The following SYT9 variants were observed in gnomAD, a reference collection of about 807,000 sequenced individuals.
SYT9 encodes synaptotagmin 9, also known as synaptotagmin-9.
SYT9 carries 22 observed loss-of-function variants against 48.4 expected under a neutral mutation model. The observed-to-expected ratio is 0.45, with a 90% CI of 0.32 to 0.65. SYT9 has a LOEUF of 0.65. Among genes scored for constraint, SYT9 ranks in the 30% least tolerant of loss-of-function variants. The pLI, the probability that SYT9 is intolerant of heterozygous loss-of-function variation, is 0.03. For missense variants in SYT9, 577 were observed against 622.0 expected (o/e 0.93, Z 0.77); for synonymous variants, 265 against 245.0 (o/e 1.08, Z -0.76).
chr11:7,350,510 A>C (rs761167725), intron 3 of SYT9, among the ~76,000 whole-genome samples: 7 of 152,230 alleles, frequency 4.6e-5, no homozygotes, highest in Non-Finnish European at 8.8e-5. Flanking sequence ...TCTGTCCTGC[A>C]GGCCACAAGT....
chr11:7,421,946 C>T (rs552927766), intron 6 of SYT9, among the ~76,000 whole-genome samples: 1 of 152,322 alleles, frequency 6.6e-6, no homozygotes, highest in East Asian at 1.9e-4. Context: ...CTCCTTCATG[C>T]TCTCAATAAG....
chr11:7,282,916 A>G lies in SYT9; in HGVS notation c.146-20123A>G, dbSNP rs529214391. Among the ~76,000 whole-genome samples, 14 of 149,302 alleles carry G rather than the reference A, an allele frequency of 9.4e-5. No individual in the cohort carries two copies. In the South Asian group the frequency reaches 1.3e-3, roughly 13 times the overall value. On this transcript the variant is annotated intron_variant, in intron 1 of 6. Transcript: ENST00000318881. ...ATATATGCACCGTGTTAAAACACAC[A>G]CACACACACGCACACACACACACAC...
At chr11:7,371,113 T>A (rs537215109) in intron 3 of SYT9, among the ~76,000 whole-genome samples, 2 of 152,294 alleles carry the variant, frequency 1.3e-5, no homozygotes, top group Non-Finnish European at 2.9e-5. Context: ...TAAAGCCGCT[T>A]AATAATACAC....
intron 3 of SYT9, among the ~76,000 whole-genome samples, chr11:7,386,318 G>T (rs1334086793): frequency 3.3e-5 from 5 of 152,050 alleles, no homozygotes; most frequent in Non-Finnish European, 5.9e-5. Context: ...AAACTAAAGA[G>T]CTTCTGCACA....
intron 2 of SYT9, among the ~76,000 whole-genome samples, chr11:7,304,909 A>G (rs532779285): frequency 3.9e-4 from 59 of 152,188 alleles, no homozygotes; most frequent in African/African-American, 1.3e-3. Flanking sequence ...ATTGCCCCCT[A>G]TTTGGTTCTA....
intron 3 of SYT9, among the ~76,000 whole-genome samples, chr11:7,341,615 C>A (rs1220769323): frequency 6.6e-6 from 1 of 152,100 alleles, no homozygotes; most frequent in Admixed American, 6.5e-5. Flanking sequence ...ATAAATTACC[C>A]AGTCTTAGAT....
intron 3 of SYT9, among the ~76,000 whole-genome samples, chr11:7,315,838 A>G (rs1849233761): frequency 6.6e-6 from 1 of 152,132 alleles, no homozygotes; most frequent in African/African-American, 2.4e-5. Flanking sequence ...CTGGATTTCC[A>G]TAGGGTTAAG....
At chr11:7,257,152 T>C (rs1287836805) in intron 1 of SYT9, among the ~76,000 whole-genome samples, 1 of 152,176 alleles carries the variant, frequency 6.6e-6, no homozygotes. Context: ...TTGAGACCAT[T>C]GGGCAAAGAA....
intron 1 of SYT9, among the ~76,000 whole-genome samples, chr11:7,271,814 G>A (rs1350564972): frequency 3.3e-5 from 5 of 152,118 alleles, no homozygotes; most frequent in Admixed American, 2.6e-4. Flanking sequence ...CTGACCTCAT[G>A]ATCTGCCCGC....
At chr11:7,374,035 CTACAT>C (rs1204090251) in intron 3 of SYT9, among the ~76,000 whole-genome samples, 1 of 151,998 alleles carries the variant, frequency 6.6e-6, no homozygotes, top group Non-Finnish European at 1.5e-5. Flanking sequence ...AACCCATCAT[CTACAT>C]TAGGTATTTC....
intron 3 of SYT9, among the ~76,000 whole-genome samples, chr11:7,408,747 A>C (rs1237643272): frequency 6.6e-6 from 1 of 152,210 alleles, no homozygotes; most frequent in African/African-American, 2.4e-5. Context: ...GTTTTTCCAT[A>C]AGATCATATC....
At chr11:7,347,128 G>A (rs188385553) in intron 3 of SYT9, among the ~76,000 whole-genome samples, 1 of 152,282 alleles carries the variant, frequency 6.6e-6, no homozygotes, top group East Asian at 1.9e-4. Flanking sequence ...AAGGAAGCTT[G>A]TCTGTCTTCT....
At chr11:7,258,424 G>A (rs568819352) in intron 1 of SYT9, among the ~76,000 whole-genome samples, 7 of 152,078 alleles carry the variant, frequency 4.6e-5, no homozygotes, top group Non-Finnish European at 8.8e-5. Context: ...TTATTTGGTG[G>A]GCTCTAGGAA....
intron 3 of SYT9, among the ~76,000 whole-genome samples, chr11:7,379,062 A>T (rs1218599507): frequency 6.6e-6 from 1 of 152,132 alleles, no homozygotes; most frequent in African/African-American, 2.4e-5. Context: ...CTTATTGAGT[A>T]TTGGTAGATT....
At position 7,463,261 on chromosome 11, in the gene SYT9, G is replaced by A. The variant is rs149371745; in HGVS notation, c.1468-3531G>A. ...CAACAGTTATTAAACCACCGTTACT[G>A]TCTCCGGTGTTGATGACTGAGTCTC... On this transcript the variant is annotated intron_variant, in intron 6 of 6. Transcript: ENST00000318881. Among the ~76,000 whole-genome samples, 211 of 152,306 alleles carry A rather than the reference G, an allele frequency of 1.4e-3. 1 individual carries two copies. Among genetic ancestry groups the A allele is most frequent in the African/African-American group, 4.8e-3 (200 of 41,552 alleles).
chr11:7,270,123 G>A (rs746707698), intron 1 of SYT9, among the ~76,000 whole-genome samples: 1 of 152,132 alleles, frequency 6.6e-6, no homozygotes, highest in South Asian at 2.1e-4. Flanking sequence ...TGGAGAGAGT[G>A]TATCAATTCT....
intron 1 of SYT9, among the ~76,000 whole-genome samples, chr11:7,259,437 T>C (rs1444603516): frequency 6.6e-6 from 1 of 152,126 alleles, no homozygotes; most frequent in African/African-American, 2.4e-5. Flanking sequence ...CTGTTTCCTT[T>C]TGGGAAAATT....
At chr11:7,363,021 A>T (rs1279812698) in intron 3 of SYT9, among the ~76,000 whole-genome samples, 1 of 110,646 alleles carries the variant, frequency 9.0e-6, no homozygotes, top group East Asian at 4.4e-4. Flanking sequence ...GGAACTTGGG[A>T]CAGCTCCATT....
chr11:7,300,820 G>T (rs1848906062), intron 1 of SYT9, among the ~76,000 whole-genome samples: 1 of 152,090 alleles, frequency 6.6e-6, no homozygotes, highest in Non-Finnish European at 1.5e-5. Flanking sequence ...CCAGCATATT[G>T]TCTACTCTCC....
Sources: allele counts gnomAD v4.1 joint callset (sites outside exome capture counted in the v4.1 genomes callset), GRCh38; gene constraint gnomAD v4.1.1; transcripts MANE v1.5; gene names NCBI Gene and HGNC (gene_info 2026-07-23, HGNC 2026-07-21).